Variants in PCYT1A observed in about 807,000 individuals in gnomAD.
PCYT1A encodes phosphate cytidylyltransferase 1A, choline, also known as choline-phosphate cytidylyltransferase A.
PCYT1A carries 25 observed loss-of-function variants against 43.7 expected under a neutral mutation model. That is an observed-to-expected ratio of 0.57 (90% CI 0.42 to 0.80). The LOEUF (loss-of-function observed/expected upper bound fraction) is 0.80. Among genes scored for constraint, PCYT1A ranks in the 30% least tolerant of loss-of-function variants. PCYT1A has a pLI of 0.00. For synonymous variants in PCYT1A, 172 were observed against 170.7 expected, an observed-to-expected ratio of 1.01 and a Z score of -0.06; for missense variants, 421 against 474.2, an observed-to-expected ratio of 0.89 and a Z score of 1.04.
intron 2 of PCYT1A, among the ~76,000 whole-genome samples, chr3:196,267,716 CAA>C (rs914922215): frequency 7.6e-6 from 1 of 131,424 alleles, no homozygotes; most frequent in African/African-American, 2.8e-5. Flanking sequence ...GACCCTGTCT[CAA>C]AAAAAAAAAG....
rs1040732574 is a variant in PCYT1A, at chr3:196,242,392, G to A, written c.565+170C>T. The A allele has an allele frequency of 1.4e-5, 10 of 714,854 alleles. No individual in the cohort carries two copies. Among genetic ancestry groups the A allele is most frequent in the Non-Finnish European group, 2.3e-5 (9 of 385,528 alleles). The allele number at this position is 714,854 out of a possible 1,614,324, so 44.3% of individuals were successfully genotyped here. A position where few individuals can be genotyped will look rare whatever the true frequency, so the allele number is the denominator to read the frequency against. On this transcript the variant is annotated intron_variant, in intron 6 of 8. Coordinates refer to ENST00000431016, the MANE Select transcript of PCYT1A (RefSeq NM_001312673.2). The surrounding 1 kb of genome is among the most constrained non-coding windows in gnomAD (Gnocchi z 4.2). ...GAATTGATGGATGTCATGAACTGAC[G>A]ACAAAGAATTGATGGGTGCTATGCT...
chr3:196,279,740 G>C (rs1433982536), intron 1 of PCYT1A, among the ~76,000 whole-genome samples: 1 of 151,136 alleles, frequency 6.6e-6, no homozygotes, highest in African/African-American at 2.4e-5. Flanking sequence ...GAAGGAGACA[G>C]AATCTAGGTG....
At position 196,239,623 on chromosome 3, in the gene PCYT1A, A is replaced by C; in HGVS notation, c.821T>G (p.Leu274Arg). Residue 274 changes from leucine to arginine, a missense_variant, in exon 8 of 9, where the codon CTC becomes CGC. This residue lies in a region of PCYT1A where 174 missense variants were observed against 270.7 expected (regional missense o/e 0.64). Transcript: ENST00000431016. ...VQKVEEKSID[L>R]IQKWEEKSRE... Reference sequence around the variant, plus strand: ...GGACTTCTCCTCCCACTTCTGAATGAGGTCAATGCTTTTTTCCTCCACCTT... The same window carrying C: ...GGACTTCTCCTCCCACTTCTGAATGCGGTCAATGCTTTTTTCCTCCACCTT... The C allele has an allele frequency of 6.2e-7, 1 of 1,611,824 alleles. No homozygotes were observed. Among genetic ancestry groups the C allele is most frequent in the Non-Finnish European group, 8.5e-7 (1 of 1,177,870 alleles).
intron 3 of PCYT1A, among the ~76,000 whole-genome samples, chr3:196,249,647 G>A (rs541185366): frequency 6.6e-6 from 1 of 152,288 alleles, no homozygotes; most frequent in African/African-American, 2.4e-5. Flanking sequence ...ATAAATCTAA[G>A]GAGTCCATGT....
rs1348588619 is a variant in PCYT1A, at chr3:196,238,060, G to C, written c.*628C>G. 1.3e-5 allele frequency: 2 copies of C among 152,264 alleles called. No homozygotes were observed. Among genetic ancestry groups the C allele is most frequent in the Non-Finnish European group, 2.9e-5 (2 of 68,048 alleles). 9.4% of individuals were successfully genotyped at this position (152,264 alleles called of 1,614,324 possible). Reference sequence around the variant, plus strand: ...GGTCCAACAAGAAACTCCTCAGGGAGTAAGAAAAGTTAGGTTCAGATCTCC... The same window carrying C: ...GGTCCAACAAGAAACTCCTCAGGGACTAAGAAAAGTTAGGTTCAGATCTCC... On this transcript the variant is annotated 3_prime_UTR_variant, in exon 9 of 9. Transcript: ENST00000431016.
rs1319847121 is a variant in PCYT1A at position 196,247,652 on chromosome 3, G to A, written c.335-134C>T. ...CCCAACTGGAAAAAAGTCTTCTAAA[G>A]GTGGTTGAACCTGGGTGATAACGCT... On this transcript the variant is annotated intron_variant, in intron 4 of 8. Coordinates refer to ENST00000431016, the MANE Select transcript of PCYT1A (RefSeq NM_001312673.2). The surrounding 1 kb of genome is among the most constrained non-coding windows in gnomAD (Gnocchi z 4.8). The A allele has an allele frequency of 1.2e-6, 1 of 865,588 alleles. No homozygotes were observed. Among genetic ancestry groups the A allele is most frequent in the East Asian group, 2.6e-5 (1 of 38,704 alleles). 53.6% of individuals were successfully genotyped at this position (865,588 alleles called of 1,614,324 possible). A position where few individuals can be genotyped will look rare whatever the true frequency, so the allele number is the denominator to read the frequency against.
chr3:196,275,728 T>C (rs1458902876), intron 1 of PCYT1A, among the ~76,000 whole-genome samples: 7 of 142,210 alleles, frequency 4.9e-5, no homozygotes, highest in Non-Finnish European at 6.1e-5. Context: ...TAAGACTCTG[T>C]CTCAACAAAA....
intron 2 of PCYT1A, among the ~76,000 whole-genome samples, chr3:196,260,512 G>C (rs140122317): frequency 1.3e-5 from 2 of 152,186 alleles, no homozygotes; most frequent in Non-Finnish European, 2.9e-5. Context: ...TATACTGCTA[G>C]GTATATACCC....
At chr3:196,258,111 C>CA (rs1725002494) in intron 2 of PCYT1A, among the ~76,000 whole-genome samples, 1 of 151,812 alleles carries the variant, frequency 6.6e-6, no homozygotes, top group Non-Finnish European at 1.5e-5. Flanking sequence ...ATGGTGAAAC[C>CA]AGGTCTCTAC....
chr3:196,253,143 C>A (rs1046826555), intron 3 of PCYT1A, among the ~76,000 whole-genome samples: 2 of 152,026 alleles, frequency 1.3e-5, no homozygotes, highest in Non-Finnish European at 2.9e-5. Context: ...TTGAGGCCAG[C>A]CTGGCCAACA....
At position 196,257,736 on chromosome 3, in the gene PCYT1A, T is replaced by C. The variant is rs1302854729; in HGVS notation, c.217+52A>G. ...GCAGGTGTGTATTTGATAAAGACAA[T>C]GGAATGCTAAAAACAATAGTCAAAC... On this transcript the variant is annotated intron_variant, in intron 3 of 8. Coordinates refer to ENST00000431016, the MANE Select transcript of PCYT1A (RefSeq NM_001312673.2). 10 of 1,143,810 alleles carry C rather than the reference T, an allele frequency of 8.7e-6. 1 individual carries two copies. Among genetic ancestry groups the C allele is most frequent in the South Asian group, 2.5e-5 (2 of 81,020 alleles). The allele number at this position is 1,143,810 out of a possible 1,614,324, so 70.9% of individuals were successfully genotyped here.
chr3:196,280,463 A>G (rs1725731403), intron 1 of PCYT1A, among the ~76,000 whole-genome samples: 1 of 152,058 alleles, frequency 6.6e-6, no homozygotes, highest in Non-Finnish European at 1.5e-5. Flanking sequence ...AATCTTCTCT[A>G]CATTACTTAC....
At position 196,238,527 on chromosome 3, in the gene PCYT1A, C is replaced by G. The variant is rs1724243919; in HGVS notation, c.*161G>C. 4.1e-6 allele frequency: 2 copies of G among 490,998 alleles called. No individual in the cohort carries two copies. The highest frequency in any genetic ancestry group is 4.0e-5 in the African/African-American group (2 of 49,966). The allele number at this position is 490,998 out of a possible 1,614,324, so 30.4% of individuals were successfully genotyped here. ...TGGGTGAGTGATGTCACTTGCAGGA[C>G]AGGCTGTTTGGGTTCCCCCAGTCCT... is the stretch of plus-strand genomic sequence containing the variant. On this transcript the variant is annotated 3_prime_UTR_variant, in exon 9 of 9. Transcript: ENST00000431016.
At chr3:196,258,072 GT>G (rs559118642) in intron 2 of PCYT1A, among the ~76,000 whole-genome samples, 185 bp from the exon 3 acceptor site, 20 of 152,106 alleles carry the variant, frequency 1.3e-4, no homozygotes, top group Non-Finnish European at 2.8e-4. Context: ...GGATCATGAG[GT>G]CAGGAGATTG....
chr3:196,238,753 A>G lies in PCYT1A; in HGVS notation c.1039T>C (p.Ser347Pro), dbSNP rs759958810. The stretch of plus-strand genomic sequence containing the variant: ...TTGTGCCTGGAGAGATTTGCTGGGG[A>G]GCAAGGTGGGGAAGTCTTGCCGGAG... ...PFSGKTSPPC[S>P]PANLSRHKAA... Residue 347 changes from serine to proline, a missense_variant, in exon 9 of 9, where the codon TCC (serine) becomes CCC (proline). By Grantham distance (74) the Ser-to-Pro change is moderately conservative (BLOSUM62 -1). This residue lies in a region of PCYT1A where 108 missense variants were observed against 85.7 expected (regional missense o/e 1.26). Coordinates refer to ENST00000431016, the MANE Select transcript of PCYT1A (RefSeq NM_001312673.2). 1.3e-6 allele frequency: 2 copies of G among 1,591,814 alleles called. No homozygotes were observed. Among genetic ancestry groups the G allele is most frequent in the Admixed American group, 1.8e-5 (1 of 56,786 alleles).
In PCYT1A at chr3:196,280,570, G is replaced by GTTTTTTTTTTTTT; in HGVS notation, c.-11+7032_-11+7044dup. On this transcript the variant is annotated intron_variant, in intron 1 of 8. Transcript: ENST00000431016. The stretch of plus-strand genomic sequence containing the variant: ...TTATTGTTGTATTGGTATTTTTATT[G>GTTTTTTTTTTTTT]TTTTTTTTTTTTTTTTTTTCTGAAT... Among the ~76,000 whole-genome samples, 789 of 90,996 alleles carry GTTTTTTTTTTTTT rather than the reference G, an allele frequency of 8.7e-3. 3 individuals are homozygous for GTTTTTTTTTTTTT. Among genetic ancestry groups the GTTTTTTTTTTTTT allele is most frequent in the Middle Eastern group, 0.026 (3 of 116 alleles). 59.7% of individuals were successfully genotyped at this position (90,996 alleles called of 152,430 possible). A position where few individuals can be genotyped will look rare whatever the true frequency, so the allele number is the denominator to read the frequency against.
intron 5 of PCYT1A, among the ~76,000 whole-genome samples, chr3:196,243,424 C>T (rs985974973): frequency 6.6e-6 from 1 of 152,174 alleles, no homozygotes; most frequent in African/African-American, 2.4e-5. Flanking sequence ...CAACCACGAG[C>T]CCTCTGACTG....
At position 196,247,347 on chromosome 3, in the gene PCYT1A, A is replaced by G. The variant is rs763490024; in HGVS notation, c.486+20T>C. The G allele has an allele frequency of 5.6e-6, 9 of 1,612,736 alleles. No homozygotes were observed. Among genetic ancestry groups the G allele is most frequent in the Non-Finnish European group, 7.6e-6 (9 of 1,179,670 alleles). On this transcript the variant is annotated intron_variant, in intron 5 of 8. Coordinates refer to ENST00000431016, the MANE Select transcript of PCYT1A (RefSeq NM_001312673.2). This position sits in a 1 kb window ranked among gnomAD's most constrained non-coding sequence, Gnocchi z 4.8. ...GGGGATTCTGAAACAAGGAATGGGAATATGTGTCCAGTTTCTTACCCGGTG... is the reference window on the plus strand; with the variant it reads ...GGGGATTCTGAAACAAGGAATGGGAGTATGTGTCCAGTTTCTTACCCGGTG...
At chr3:196,243,540 G>T (rs1052892406) in intron 5 of PCYT1A, among the ~76,000 whole-genome samples, 1 of 139,800 alleles carries the variant, frequency 7.2e-6, no homozygotes, top group Non-Finnish European at 1.5e-5. Flanking sequence ...CTCTCCCCAC[G>T]GTCTCCCTCT....
Sources: gnomAD v4.1 joint callset for allele counts (sites outside exome capture counted in the v4.1 genomes callset) on GRCh38, gnomAD v4.1.1 for gene constraint, gnomAD v4.1.1 regional missense constraint, Gnocchi (gnomAD v3.1) non-coding constraint, MANE v1.5 for transcripts, NCBI Gene and HGNC (gene_info 2026-07-23, HGNC 2026-07-21) for gene names.